Variants in NTRK3 observed in about 807,000 individuals in gnomAD.
The protein encoded by NTRK3 is NT-3 growth factor receptor.
A neutral mutation model predicts 91.7 loss-of-function variants in NTRK3; 24 were observed. The ratio of observed to expected loss-of-function variants is 0.26; its 90% CI spans 0.19 to 0.37. The LOEUF (loss-of-function observed/expected upper bound fraction) is 0.37. Ranked by LOEUF, NTRK3 falls within the 10% of genes least tolerant of loss-of-function variation. The pLI is 1.00. For missense variants in NTRK3, 880 were observed against 1,068.9 expected (o/e 0.82, Z 2.46); for synonymous variants, 483 against 404.0 (o/e 1.20, Z -2.34).
chr15:88,005,259 C>T (rs1315364600), intron 14 of NTRK3, among the ~76,000 whole-genome samples: 1 of 152,290 alleles, frequency 6.6e-6, no homozygotes, highest in African/African-American at 2.4e-5. Flanking sequence ...GAGCCAGATG[C>T]TTCATGAGCT....
At chr15:88,173,568 C>A (rs2045723423) in intron 5 of NTRK3, among the ~76,000 whole-genome samples, 1 of 152,252 alleles carries the variant, frequency 6.6e-6, no homozygotes, top group Non-Finnish European at 1.5e-5. Flanking sequence ...CCAGTGCCAG[C>A]CAGTAGGCTA....
Position 88,021,998 on chromosome 15 carries a change from G to C in NTRK3, c.1585+10859C>G, listed in dbSNP as rs148439396. Reference sequence around the variant, plus strand: ...TAAAATAAGAATGTCTGACTCCTTGGAGACATGGGAAGTAACCCTAAGCCC... The same window carrying C: ...TAAAATAAGAATGTCTGACTCCTTGCAGACATGGGAAGTAACCCTAAGCCC... On this transcript the variant is annotated intron_variant, in intron 14 of 18. Transcript: ENST00000394480. Among the ~76,000 whole-genome samples the C allele has an allele frequency of 5.0e-3, 765 of 152,156 alleles. 3 individuals are homozygous for C. The highest frequency in any genetic ancestry group is 8.7e-3 in the South Asian group (42 of 4,816).
intron 14 of NTRK3, 114 bp downstream of exon 14, chr15:88,032,742 TG>T: frequency 1.8e-6 from 2 of 1,141,834 alleles, no homozygotes; most frequent in Non-Finnish European, 2.6e-6. Flanking sequence ...TCTTAGAAAG[TG>T]GGAGGTTGGC....
At chr15:87,978,685 G>A (rs2073933968) in intron 14 of NTRK3, 1 of 232,888 alleles carries the variant, frequency 4.3e-6, no homozygotes, top group Non-Finnish European at 8.5e-6. Context: ...GAAGTAGGGG[G>A]CAAGTATGTC....
chr15:88,127,268 C>T (rs542181383), intron 11 of NTRK3, 42 bp from the exon 12 acceptor site: 42 of 1,574,680 alleles, frequency 2.7e-5, no homozygotes, highest in East Asian at 1.1e-4. Flanking sequence ...GTTAGCTTCC[C>T]GGCTGGGGAG....
chr15:87,859,919 C>T (rs1371727959), exon 19 of NTRK3: 1 of 185,300 alleles, frequency 5.4e-6, no homozygotes. Flanking sequence ...ACAACTCTCA[C>T]TTATGATATA....
At chr15:88,196,951 C>G (rs141594249) in intron 3 of NTRK3, among the ~76,000 whole-genome samples, 1 of 152,128 alleles carries the variant, frequency 6.6e-6, no homozygotes, top group Admixed American at 6.5e-5. Context: ...CTGAACTTTC[C>G]CAAACTACCT....
intron 3 of NTRK3, chr15:88,253,087 G>A (rs1052280527): frequency 6.6e-6 from 1 of 152,230 alleles, no homozygotes; most frequent in African/African-American, 2.4e-5. Flanking sequence ...AGAACAAGAG[G>A]GTGAAACTGT....
At chr15:88,053,645 C>G (rs1179872860) in intron 13 of NTRK3, among the ~76,000 whole-genome samples, 1 of 152,144 alleles carries the variant, frequency 6.6e-6, no homozygotes, top group Non-Finnish European at 1.5e-5. Context: ...TCAGTATTCC[C>G]ATATCAATAA....
chr15:87,982,243 C>T (rs2074352831), intron 14 of NTRK3, among the ~76,000 whole-genome samples: 1 of 152,210 alleles, frequency 6.6e-6, no homozygotes, highest in Admixed American at 6.5e-5. Flanking sequence ...GCATAAGAGG[C>T]ACTGCTCCAA....
At chr15:88,192,588 C>A (rs543587974) in intron 3 of NTRK3, among the ~76,000 whole-genome samples, 52 of 152,236 alleles carry the variant, frequency 3.4e-4, no homozygotes, top group African/African-American at 1.1e-3. Context: ...TTGGCTATGA[C>A]AATAAAATCC....
chr15:88,088,194 A>G (rs1004013465), intron 13 of NTRK3, among the ~76,000 whole-genome samples: 3 of 152,210 alleles, frequency 2.0e-5, no homozygotes, highest in Non-Finnish European at 4.4e-5. Context: ...CACCTGTAAA[A>G]TGGGTGCAAT....
At chr15:87,970,601 A>T (rs971433687) in intron 14 of NTRK3, among the ~76,000 whole-genome samples, 6 of 152,180 alleles carry the variant, frequency 3.9e-5, no homozygotes, top group Non-Finnish European at 8.8e-5. Context: ...AAAGAGGTAG[A>T]ATAAGGTTTG....
chr15:88,145,471 A>G (rs987546817), intron 6 of NTRK3, among the ~76,000 whole-genome samples: 39 of 152,174 alleles, frequency 2.6e-4, no homozygotes, highest in African/African-American at 9.4e-4. Flanking sequence ...TTCCTCCATA[A>G]GTCACATCTA....
intron 17 of NTRK3, among the ~76,000 whole-genome samples, chr15:87,895,488 A>T (rs2066065225): frequency 6.6e-6 from 1 of 152,112 alleles, no homozygotes; most frequent in South Asian, 2.1e-4. Context: ...TTCCAATCTG[A>T]CTTTGGCATA....
At chr15:88,229,020 A>G (rs1468579087) in intron 3 of NTRK3, among the ~76,000 whole-genome samples, 3 of 152,072 alleles carry the variant, frequency 2.0e-5, no homozygotes, top group Non-Finnish European at 2.9e-5. Flanking sequence ...ACCAGGACAT[A>G]TTGGCTGCAG....
intron 14 of NTRK3, among the ~76,000 whole-genome samples, chr15:88,017,630 G>A (rs959980727): frequency 6.6e-6 from 1 of 152,070 alleles, no homozygotes; most frequent in African/African-American, 2.4e-5. Context: ...AGGGAGGGGG[G>A]ACCATCCCAC....
At chr15:87,888,572 T>C (rs1302538547) in intron 17 of NTRK3, among the ~76,000 whole-genome samples, 1 of 152,166 alleles carries the variant, frequency 6.6e-6, no homozygotes, top group Non-Finnish European at 1.5e-5. Flanking sequence ...CCATAGTCCC[T>C]TGGCAGGGGG....
intron 5 of NTRK3, among the ~76,000 whole-genome samples, chr15:88,174,328 T>C (rs986691321): frequency 6.6e-6 from 1 of 152,120 alleles, no homozygotes; most frequent in African/African-American, 2.4e-5. Context: ...GCCAAAGGGA[T>C]GTGCAAGATG....
Sources: allele counts gnomAD v4.1 joint callset (sites outside exome capture counted in the v4.1 genomes callset), GRCh38; gene constraint gnomAD v4.1.1; transcripts MANE v1.5; gene names NCBI Gene and HGNC (gene_info 2026-07-23, HGNC 2026-07-21).